Variants in ARHGEF4 observed in about 807,000 individuals in gnomAD.
ARHGEF4 encodes Rho guanine nucleotide exchange factor 4.
In ARHGEF4, 119 loss-of-function variants were observed where a neutral mutation model predicts 162.0. The ratio of observed to expected loss-of-function variants is 0.73; its 90% CI spans 0.63 to 0.86. The LOEUF (loss-of-function observed/expected upper bound fraction) is 0.86. Ranked by LOEUF, ARHGEF4 falls within the 40% of genes least tolerant of loss-of-function variation. The pLI is 0.00. For synonymous variants in ARHGEF4, 1,014 were observed against 979.9 expected, an observed-to-expected ratio of 1.03 and a Z score of -0.65; for missense variants, 2,488 against 2,456.0, an observed-to-expected ratio of 1.01 and a Z score of -0.28.
intron 4 of ARHGEF4, among the ~76,000 whole-genome samples, chr2:130,957,758 C>A (rs992440784): frequency 6.6e-6 from 1 of 152,102 alleles, no homozygotes; most frequent in African/African-American, 2.4e-5. Flanking sequence ...AACTCTCTAG[C>A]CCTCTTTCCC....
chr2:130,955,652 ATTTTCAATATT>A, intron 4 of ARHGEF4, among the ~76,000 whole-genome samples: 3 of 151,946 alleles, frequency 2.0e-5, no homozygotes, highest in Admixed American at 2.0e-4. Context: ...TTGCTCTGTT[ATTTTCAATATT>A]GTCCTGGGGC....
Position 130,914,191 on chromosome 2 carries a change from G to C in ARHGEF4, c.245G>C (p.Gly82Ala), listed in dbSNP as rs576001872. ...ESASDTESLS[G>A]YLPRGVFHPL... ...GCCTCTGACACAGAGTCCTTGTCTG[G>C]GTACCTCCCGAGGGGAGTCTTCCAC... is the stretch of plus-strand genomic sequence containing the variant. The change falls in exon 2 of 14, where the codon GGG (glycine) becomes GCG (alanine). Residue 82 changes from glycine (G) to alanine (A), a missense_variant. By Grantham distance (60) the Gly-to-Ala change is moderately conservative. Transcript: ENST00000409359. 1.0e-4 allele frequency: 160 copies of C among 1,536,014 alleles called. 2 individuals are homozygous for C. The African/African-American group carries it at 1.7e-3, about 16-fold the overall frequency.
intron 6 of ARHGEF4, chr2:131,039,624 C>G: frequency 1.8e-6 from 2 of 1,100,882 alleles, no homozygotes; most frequent in Non-Finnish European, 2.2e-6. Context: ...CTGTCCACTC[C>G]GCACCCTAAG....
intron 12 of ARHGEF4, 28 bp from the exon 13 acceptor site, chr2:131,045,341 A>T: frequency 1.9e-6 from 3 of 1,601,276 alleles, no homozygotes; most frequent in Non-Finnish European, 2.6e-6. Flanking sequence ...GAAGTGGGGC[A>T]GCGCCCTCAC....
rs558153026 is a variant in ARHGEF4 at position 131,013,625 on chromosome 2, G to A, written c.3986-14320G>A. On this transcript the variant is annotated intron_variant, in intron 4 of 13. Coordinates refer to ENST00000409359, the MANE Select transcript of ARHGEF4 (RefSeq NM_001367493.1). ...TGATTGATTGATTGATTTTGAGACGGAGTCTTGCTCTGTTGCCCAGACTGG... is the reference window on the plus strand; with the variant it reads ...TGATTGATTGATTGATTTTGAGACGAAGTCTTGCTCTGTTGCCCAGACTGG... Among the ~76,000 whole-genome samples the A allele has an allele frequency of 3.2e-4, 48 of 152,240 alleles. No individual in the cohort carries two copies. In the South Asian group the frequency reaches 9.7e-3, roughly 31 times the overall value.
Position 130,916,217 on chromosome 2 carries a change from C to T in ARHGEF4, c.2271C>T (p.Gly757=), listed in dbSNP as rs1196178883. 2 of 1,545,462 alleles carry T rather than the reference C, an allele frequency of 1.3e-6. No homozygotes were observed. The highest frequency in any genetic ancestry group is 2.5e-5 in the East Asian group (1 of 40,760). ...GERGPEEAPE[G]GAAAARGQRP... is the part of the protein sequence containing the mutation. ...GTGGCCCGGAGGAGGCCCCCGAAGG[C>T]GGTGCTGCAGCAGCCCGGGGCCAGC... Residue 757 remains glycine (G), a synonymous_variant, in exon 2 of 14, where the codon GGC becomes GGT. Coordinates refer to ENST00000409359, the MANE Select transcript of ARHGEF4 (RefSeq NM_001367493.1).
intron 4 of ARHGEF4, among the ~76,000 whole-genome samples, chr2:130,972,469 C>T (rs1000784752): frequency 5.9e-5 from 9 of 152,206 alleles, no homozygotes; most frequent in Non-Finnish European, 1.0e-4. Flanking sequence ...GCTCCACTCT[C>T]TCTTGGGTTT....
chr2:130,880,397 G>C (rs1232657020), intron 1 of ARHGEF4, among the ~76,000 whole-genome samples: 2 of 152,192 alleles, frequency 1.3e-5, no homozygotes, highest in African/African-American at 4.8e-5. Flanking sequence ...CATAATCAAA[G>C]TTGTTAACTA....
At chr2:130,921,001 C>T (rs906864621) in intron 2 of ARHGEF4, among the ~76,000 whole-genome samples, 5 of 152,116 alleles carry the variant, frequency 3.3e-5, no homozygotes, top group Admixed American at 3.3e-4. Flanking sequence ...CCACCCTGCC[C>T]CCTTCCTGCC....
intron 1 of ARHGEF4, among the ~76,000 whole-genome samples, chr2:130,856,762 C>A (rs1243739763): frequency 6.6e-6 from 1 of 152,000 alleles, no homozygotes; most frequent in African/African-American, 2.4e-5. Context: ...ATGTAACTAA[C>A]CTGCACGTTG....
chr2:130,870,369 T>G (rs183157805), intron 1 of ARHGEF4, among the ~76,000 whole-genome samples: 129 of 152,236 alleles, frequency 8.5e-4, no homozygotes, highest in African/African-American at 3.0e-3. Flanking sequence ...AAAGCAGGAA[T>G]GGGCATGAAG....
At chr2:130,945,411 C>T (rs944566637) in intron 3 of ARHGEF4, among the ~76,000 whole-genome samples, 1 of 152,076 alleles carries the variant, frequency 6.6e-6, no homozygotes, top group East Asian at 1.9e-4. Flanking sequence ...GGATTCCTGT[C>T]CCTCAGAATT....
chr2:130,954,374 C>T (rs561877352), intron 4 of ARHGEF4, among the ~76,000 whole-genome samples: 5 of 152,088 alleles, frequency 3.3e-5, no homozygotes, highest in East Asian at 3.9e-4. Flanking sequence ...GGACACAGGG[C>T]GGGGAACATC....
At chr2:130,971,833 T>C (rs7591118) in intron 4 of ARHGEF4, among the ~76,000 whole-genome samples, 151,591 of 152,328 alleles carry the variant, frequency 1, 75,429 homozygotes, top group Middle Eastern at 1. Flanking sequence ...CCAAGAGCTC[T>C]CCACCAGACC....
At chr2:130,989,835 C>G (rs941764645) in intron 4 of ARHGEF4, among the ~76,000 whole-genome samples, 1 of 152,192 alleles carries the variant, frequency 6.6e-6, no homozygotes, top group African/African-American at 2.4e-5. Context: ...AGCAGGTTAT[C>G]TAATCTGGAG....
Position 130,914,729 on chromosome 2 carries a change from C to T in ARHGEF4, c.783C>T (p.Asn261=). The change falls in exon 2 of 14, where the codon AAC becomes AAT. Residue 261 remains asparagine (N), a synonymous_variant. Coordinates refer to ENST00000409359, the MANE Select transcript of ARHGEF4 (RefSeq NM_001367493.1). ...LVLPSRGPLD[N]TAPLGTRTKK... is the part of the protein sequence containing the mutation. ...TACCTAGCAGAGGCCCACTGGACAA[C>T]ACAGCCCCTCTGGGGACCAGGACAA... 1 of 1,420,512 alleles carries T rather than the reference C, an allele frequency of 7.0e-7. No individual in the cohort carries two copies. The highest frequency in any genetic ancestry group is 9.1e-7 in the Non-Finnish European group (1 of 1,093,456). The allele number at this position is 1,420,512 out of a possible 1,614,324, so 88.0% of individuals were successfully genotyped here. A position where few individuals can be genotyped will look rare whatever the true frequency, so the allele number is the denominator to read the frequency against.
At chr2:130,904,759 G>A (rs1214030328) in intron 1 of ARHGEF4, among the ~76,000 whole-genome samples, 1 of 142,708 alleles carries the variant, frequency 7.0e-6, no homozygotes, top group Non-Finnish European at 1.5e-5. Flanking sequence ...GTGGCAATTA[G>A]AGGAGAGGAA....
At chr2:130,897,261 C>T (rs929181186) in intron 1 of ARHGEF4, among the ~76,000 whole-genome samples, 2 of 152,196 alleles carry the variant, frequency 1.3e-5, no homozygotes, top group South Asian at 2.1e-4. Flanking sequence ...CAGCCAGTCC[C>T]GGAAAGGCTG....
chr2:130,961,665 C>A (rs1173694981), intron 4 of ARHGEF4, among the ~76,000 whole-genome samples: 1 of 152,162 alleles, frequency 6.6e-6, no homozygotes, highest in African/African-American at 2.4e-5. Flanking sequence ...GTGACACTGA[C>A]GCTGTCGCCA....
Sources: allele counts gnomAD v4.1 joint callset (sites outside exome capture counted in the v4.1 genomes callset), GRCh38; gene constraint gnomAD v4.1.1; transcripts MANE v1.5; gene names NCBI Gene and HGNC (gene_info 2026-07-23, HGNC 2026-07-21).